Variants in TENM2 observed in about 807,000 individuals in gnomAD.
The protein encoded by TENM2 is teneurin-2.
In TENM2, 52 loss-of-function variants were observed where a neutral mutation model predicts 245.2. That is an observed-to-expected ratio of 0.21 (90% CI 0.17 to 0.27). The LOEUF is 0.27. TENM2 is among the 10% of genes least tolerant of loss of function. The pLI is 1.00. For synonymous variants in TENM2, 1,363 were observed against 1,438.9 expected, an observed-to-expected ratio of 0.95 and a Z score of 1.19; for missense variants, 3,046 against 3,666.8, an observed-to-expected ratio of 0.83 and a Z score of 4.37.
chr5:168,049,064 A>G (rs1437431484), intron 6 of TENM2, among the ~76,000 whole-genome samples: 1 of 152,178 alleles, frequency 6.6e-6, no homozygotes, highest in Non-Finnish European at 1.5e-5. Flanking sequence ...AGTTTTATCT[A>G]GGGCAATGGT....
rs1437012595 is a variant in TENM2 at position 167,350,875 on chromosome 5, T to TATATATATATGGGATGTATACATATGG, written c.227-24307_227-24281dup. On this transcript the variant is annotated intron_variant, in intron 1 of 28. Transcript: ENST00000518659. ...TATATATGGGATGTATACATATGGA[T>TATATATATATGGGATGTATACATATGG]ATATATATATGGGATGTATACATAT... is the stretch of plus-strand genomic sequence containing the variant. Among the ~76,000 whole-genome samples the TATATATATATGGGATGTATACATATGG allele has an allele frequency of 8.0e-5, 6 of 74,916 alleles. 2 individuals are homozygous for TATATATATATGGGATGTATACATATGG. The highest frequency in any genetic ancestry group is 3.4e-4 in the Admixed American group (2 of 5,910). The allele number at this position is 74,916 out of a possible 152,430, so 49.1% of individuals were successfully genotyped here.
chr5:167,157,303 GT>G, the TENM2 span, among the ~76,000 whole-genome samples: 6 of 152,304 alleles, frequency 3.9e-5, no homozygotes, highest in South Asian at 1.0e-3. Context: ...AATGAAGGTG[GT>G]TTGTTCTTTG....
intron 2 of TENM2, among the ~76,000 whole-genome samples, chr5:167,413,386 T>A (rs1395215711): frequency 6.6e-6 from 1 of 152,070 alleles, no homozygotes; most frequent in African/African-American, 2.4e-5. Flanking sequence ...CACCACAGAG[T>A]GAGCATGGAT....
At chr5:168,138,487 G>T (rs945063357) in intron 12 of TENM2, among the ~76,000 whole-genome samples, 3 of 152,198 alleles carry the variant, frequency 2.0e-5, no homozygotes, top group Non-Finnish European at 4.4e-5. Flanking sequence ...TTCCCAAAGG[G>T]TCCAAAATTC....
At chr5:168,129,265 G>A (rs1337816690) in intron 12 of TENM2, 1 of 152,200 alleles carries the variant, frequency 6.6e-6, no homozygotes, top group African/African-American at 2.4e-5. Flanking sequence ...CTTTGGGTGA[G>A]ATAAGTTGGA....
At chr5:167,006,301 C>G in the TENM2 span, among the ~76,000 whole-genome samples, 1 of 152,110 alleles carries the variant, frequency 6.6e-6, no homozygotes, top group Non-Finnish European at 1.5e-5. Context: ...TGTACATACC[C>G]TTTTTTGCTA....
chr5:167,154,425 G>T, the TENM2 span, among the ~76,000 whole-genome samples: 1 of 152,146 alleles, frequency 6.6e-6, no homozygotes, highest in African/African-American at 2.4e-5. Flanking sequence ...CTGGGCATGT[G>T]AATGATAGAA....
intron 2 of TENM2, among the ~76,000 whole-genome samples, chr5:167,609,957 A>G (rs915201373): frequency 1.3e-5 from 2 of 152,066 alleles, no homozygotes; most frequent in African/African-American, 4.8e-5. Flanking sequence ...CAGTCCCACA[A>G]GACTGTCCCC....
intron 23 of TENM2, among the ~76,000 whole-genome samples, chr5:168,224,250 G>T (rs1763939869): frequency 6.6e-6 from 1 of 152,160 alleles, no homozygotes; most frequent in Admixed American, 6.5e-5. Flanking sequence ...GGGCTTTCCA[G>T]GGAGTGCATG....
At chr5:168,128,573 G>T (rs2152366168) in intron 12 of TENM2, among the ~76,000 whole-genome samples, 1 of 152,324 alleles carries the variant, frequency 6.6e-6, no homozygotes. Context: ...CAGGGTTAGT[G>T]TTTCCACAAT....
intron 7 of TENM2, among the ~76,000 whole-genome samples, chr5:168,069,531 G>T (rs182522513): frequency 8.5e-4 from 129 of 152,286 alleles, no homozygotes; most frequent in Non-Finnish European, 1.3e-3. Flanking sequence ...TGGAATAATA[G>T]CCAGCACTAT....
At chr5:167,486,622 C>G (rs1007494469) in intron 2 of TENM2, among the ~76,000 whole-genome samples, 4 of 152,258 alleles carry the variant, frequency 2.6e-5, no homozygotes, top group African/African-American at 9.6e-5. Context: ...GCCACCGTGC[C>G]CGGCCTGCCA....
chr5:167,478,590 T>TA (rs1767550621), intron 2 of TENM2, among the ~76,000 whole-genome samples: 1 of 152,222 alleles, frequency 6.6e-6, no homozygotes, highest in Admixed American at 6.5e-5. Flanking sequence ...GAAATACTTG[T>TA]AACCTTTCTG....
At chr5:167,358,677 T>A (rs1003479004) in intron 1 of TENM2, among the ~76,000 whole-genome samples, 10 of 151,842 alleles carry the variant, frequency 6.6e-5, no homozygotes, top group Admixed American at 6.6e-4. Context: ...TACATGGCAA[T>A]GACTCCCAAA....
At chr5:167,340,638 T>C (rs952160041) in intron 1 of TENM2, among the ~76,000 whole-genome samples, 15 of 152,218 alleles carry the variant, frequency 9.9e-5, no homozygotes, top group Non-Finnish European at 2.9e-5. Flanking sequence ...CACTGGACTT[T>C]AGGGCTTCAG....
chr5:167,612,726 A>G (rs550856522), intron 2 of TENM2, among the ~76,000 whole-genome samples: 1 of 152,186 alleles, frequency 6.6e-6, no homozygotes, highest in Admixed American at 6.5e-5. Flanking sequence ...CAAGGACCTG[A>G]CGTACGGGAT....
intron 7 of TENM2, among the ~76,000 whole-genome samples, chr5:168,086,637 GC>G (rs1200681310): frequency 6.6e-6 from 1 of 152,158 alleles, no homozygotes; most frequent in Non-Finnish European, 1.5e-5. Flanking sequence ...TTGGTCATGT[GC>G]CTCCTAAACC....
chr5:167,181,464 G>GTT, the TENM2 span, among the ~76,000 whole-genome samples: 2 of 112,050 alleles, frequency 1.8e-5, no homozygotes, highest in African/African-American at 8.6e-5. Flanking sequence ...GGAGCCGCTC[G>GTT]TTTGTGTGTG....
At chr5:168,163,556 A>AGT (rs1757940157) in intron 13 of TENM2, among the ~76,000 whole-genome samples, 1 of 152,206 alleles carries the variant, frequency 6.6e-6, no homozygotes, top group Admixed American at 6.5e-5. Flanking sequence ...ACCACCATCA[A>AGT]GGCCATAAAC....
Sources: allele counts gnomAD v4.1 joint callset (sites outside exome capture counted in the v4.1 genomes callset), GRCh38; gene constraint gnomAD v4.1.1; transcripts MANE v1.5; gene names NCBI Gene and HGNC (gene_info 2026-07-23, HGNC 2026-07-21).